The following CLEC16A variants were observed in gnomAD, a reference collection of about 807,000 sequenced individuals.
CLEC16A encodes C-type lectin domain containing 16A.
CLEC16A carries 51 observed loss-of-function variants against 109.5 expected under a neutral mutation model. That is an observed-to-expected ratio of 0.47 (90% CI 0.37 to 0.59). CLEC16A has a LOEUF of 0.59. Among genes scored for constraint, CLEC16A ranks in the 20% least tolerant of loss-of-function variants. CLEC16A has a pLI of 0.00. For synonymous variants in CLEC16A, 673 were observed against 564.2 expected, an observed-to-expected ratio of 1.19 and a Z score of -2.73; for missense variants, 1,339 against 1,394.0, an observed-to-expected ratio of 0.96 and a Z score of 0.63.
intron 11 of CLEC16A, 121 bp from the exon 12 acceptor site, chr16:11,020,072 G>T: frequency 8.5e-7 from 1 of 1,176,842 alleles, no homozygotes; most frequent in Admixed American, 2.8e-5. Context: ...CGCTGCTGTC[G>T]GACATGTGCT....
chr16:11,069,679 C>T (rs2048957729), intron 19 of CLEC16A, among the ~76,000 whole-genome samples: 1 of 151,888 alleles, frequency 6.6e-6, no homozygotes, highest in Non-Finnish European at 1.5e-5. Flanking sequence ...TGAGCTTAAG[C>T]GATCCTCCCG....
chr16:11,067,179 G>GTTTTTTTTTTT (rs2048812211), intron 19 of CLEC16A, among the ~76,000 whole-genome samples: 1 of 112,130 alleles, frequency 8.9e-6, no homozygotes, highest in African/African-American at 3.4e-5. Context: ...TTTTTTTTTT[G>GTTTTTTTTTTT]TTTGTTTTTG....
chr16:11,124,513 C>T (rs776925079), intron 21 of CLEC16A, among the ~76,000 whole-genome samples: 4 of 152,146 alleles, frequency 2.6e-5, no homozygotes, highest in Non-Finnish European at 5.9e-5. Flanking sequence ...ACGGGGATTG[C>T]GGTGAATTTC....
At chr16:10,955,612 A>C (rs1434163809) in intron 1 of CLEC16A, among the ~76,000 whole-genome samples, 1 of 152,198 alleles carries the variant, frequency 6.6e-6, no homozygotes, top group Admixed American at 6.5e-5. Context: ...AATTGAAGTC[A>C]TGTGGTCCTA....
At chr16:11,082,931 T>G (rs2049809070) in intron 19 of CLEC16A, among the ~76,000 whole-genome samples, 1 of 152,142 alleles carries the variant, frequency 6.6e-6, no homozygotes, top group Admixed American at 6.5e-5. Flanking sequence ...GCTCCCCATC[T>G]AAGTTTAAGG....
rs146402382 is a variant in CLEC16A at position 11,100,552 on chromosome 16, C to T, written c.2117-20063C>T. 7.2e-5 allele frequency among the ~76,000 whole-genome samples: 11 copies of T among 152,302 alleles called. No homozygotes were observed. In the East Asian group the frequency reaches 2.1e-3, roughly 29 times the overall value. ...GTTTGGTTTCAAGCACATGGAGGGA[C>T]TTGGACCTGACTCACTTGGGCATTT... On this transcript the variant is annotated intron_variant, in intron 19 of 23. Coordinates refer to ENST00000409790, the MANE Select transcript of CLEC16A (RefSeq NM_015226.3).
chr16:10,978,204 C>T (rs2043128284), intron 8 of CLEC16A, among the ~76,000 whole-genome samples: 1 of 152,172 alleles, frequency 6.6e-6, no homozygotes, highest in Admixed American at 6.5e-5. Flanking sequence ...TGCAGGGCCT[C>T]AGGACCAGGA....
intron 22 of CLEC16A, among the ~76,000 whole-genome samples, chr16:11,129,088 C>G (rs557456742): frequency 6.6e-6 from 1 of 152,286 alleles, no homozygotes; most frequent in East Asian, 1.9e-4. Flanking sequence ...CACTCTAGCC[C>G]CAACCCCAGC....
intron 19 of CLEC16A, among the ~76,000 whole-genome samples, chr16:11,116,233 TAAAA>T (rs765905851): frequency 7.3e-6 from 1 of 136,446 alleles, no homozygotes; most frequent in African/African-American, 2.7e-5. Flanking sequence ...CTACTAAAAA[TAAAA>T]AAAAAAAAAT....
rs1392068231 is a variant in CLEC16A, at chr16:11,180,276, T to A, written c.*1586T>A. On this transcript the variant is annotated 3_prime_UTR_variant, in exon 24 of 24. Coordinates refer to ENST00000409790, the MANE Select transcript of CLEC16A (RefSeq NM_015226.3). ...ACACAGTCCTGCCAAGGAGGGGGAGTGGCGCCCATGGGGACAGGCCTCAGT... is the reference window on the plus strand; with the variant it reads ...ACACAGTCCTGCCAAGGAGGGGGAGAGGCGCCCATGGGGACAGGCCTCAGT... 1.3e-5 allele frequency: 2 copies of A among 151,748 alleles called. No homozygotes were observed. The highest frequency in any genetic ancestry group is 2.9e-5 in the Non-Finnish European group (2 of 68,092). The allele number at this position is 151,748 out of a possible 1,614,324, so 9.4% of individuals were successfully genotyped here. A position where few individuals can be genotyped will look rare whatever the true frequency, so the allele number is the denominator to read the frequency against.
intron 23 of CLEC16A, among the ~76,000 whole-genome samples, chr16:11,169,540 G>C (rs942494503): frequency 6.6e-6 from 1 of 152,200 alleles, no homozygotes; most frequent in African/African-American, 2.4e-5. Flanking sequence ...ACCCACCTCA[G>C]CCTCCCAAAG....
chr16:10,944,889 G>A, intron 1 of CLEC16A, 92 bp downstream of exon 1: 1 of 1,205,460 alleles, frequency 8.3e-7, no homozygotes, highest in Non-Finnish European at 1.2e-6. Context: ...GCGTGAGAGC[G>A]GCGGCGAAGG....
At chr16:10,963,442 G>C (rs1312500663) in intron 3 of CLEC16A, among the ~76,000 whole-genome samples, 1 of 152,220 alleles carries the variant, frequency 6.6e-6, no homozygotes, top group Non-Finnish European at 1.5e-5. Context: ...ATGATGCTGG[G>C]GGTGTTTGCA....
chr16:11,051,101 G>C (rs371189395), intron 17 of CLEC16A, among the ~76,000 whole-genome samples: 1 of 152,164 alleles, frequency 6.6e-6, no homozygotes, highest in Non-Finnish European at 1.5e-5. Flanking sequence ...AGCTGCCATC[G>C]CCATAGCTGT....
Position 11,126,111 on chromosome 16 carries a change from A to G in CLEC16A, c.2606A>G (p.Gln869Arg). ...CGGGGCAGCAGCGACCCCACAGTGCAGCGCTCCGTGTTTGCATCGGTGGAC... is the reference window on the plus strand; with the variant it reads ...CGGGGCAGCAGCGACCCCACAGTGCGGCGCTCCGTGTTTGCATCGGTGGAC... ...GRRGSSDPTV[Q>R]RSVFASVDKV... The change falls in exon 22 of 24, where the codon CAG (glutamine) becomes CGG (arginine). Residue 869 changes from glutamine to arginine, a missense_variant. Transcript: ENST00000409790. The G allele has an allele frequency of 6.2e-7, 1 of 1,613,780 alleles. No homozygotes were observed. Among genetic ancestry groups the G allele is most frequent in the Non-Finnish European group, 8.5e-7 (1 of 1,179,846 alleles).
intron 22 of CLEC16A, chr16:11,150,100 C>T (rs1369555069): frequency 1.3e-5 from 2 of 152,168 alleles, no homozygotes; most frequent in African/African-American, 2.4e-5. Context: ...TTTATGTTTT[C>T]GTTTCTGCAA....
chr16:11,013,605 A>G (rs1369568825), intron 11 of CLEC16A, among the ~76,000 whole-genome samples: 1 of 152,160 alleles, frequency 6.6e-6, no homozygotes, highest in East Asian at 1.9e-4. Flanking sequence ...AAAATACAAA[A>G]AAATTAGCCA....
At chr16:10,972,619 G>T in intron 6 of CLEC16A, 60 bp downstream of exon 6, 1 of 1,467,822 alleles carries the variant, frequency 6.8e-7, no homozygotes, top group Non-Finnish European at 9.5e-7. Flanking sequence ...TAAATACCTT[G>T]CTTGAGAATG....
intron 19 of CLEC16A, among the ~76,000 whole-genome samples, chr16:11,090,643 A>G (rs1054227000): frequency 2.0e-5 from 3 of 151,640 alleles, no homozygotes; most frequent in Non-Finnish European, 2.9e-5. Context: ...TTTCTATTTT[A>G]TTTTATTTAG....
Sources: allele counts gnomAD v4.1 joint callset (sites outside exome capture counted in the v4.1 genomes callset), GRCh38; gene constraint gnomAD v4.1.1; transcripts MANE v1.5; gene names NCBI Gene and HGNC (gene_info 2026-07-23, HGNC 2026-07-21).